The following LPA variants were observed in gnomAD, a reference collection of about 807,000 sequenced individuals.
The protein encoded by LPA is apolipoprotein(a).
A neutral mutation model predicts 197.9 loss-of-function variants in LPA; 199 were observed. The observed-to-expected ratio is 1.01, with a 90% CI of 0.90 to 1.13. The LOEUF (loss-of-function observed/expected upper bound fraction) is 1.13. Ranked by LOEUF, LPA falls within the 50% of genes most tolerant of loss-of-function variation. The pLI is 0.00. For synonymous variants in LPA, 715 were observed against 639.5 expected, an observed-to-expected ratio of 1.12 and a Z score of -1.78; for missense variants, 1,853 against 1,785.8, an observed-to-expected ratio of 1.04 and a Z score of -0.68.
At chr6:160,604,484 T>C (rs1331182426) in intron 18 of LPA, among the ~76,000 whole-genome samples, 1 of 152,164 alleles carries the variant, frequency 6.6e-6, no homozygotes, top group Non-Finnish European at 1.5e-5. Context: ...AGGATCTCTC[T>C]CTTTGCTGAC....
intron 34 of LPA, 144 bp from the exon 35 acceptor site, chr6:160,541,325 G>C: frequency 2.8e-6 from 2 of 706,300 alleles, no homozygotes; most frequent in Non-Finnish European, 5.1e-6. Context: ...CGTCAGGATA[G>C]TAGAAACTTC....
intron 24 of LPA, among the ~76,000 whole-genome samples, chr6:160,588,257 T>G (rs1451446724): frequency 1.5e-5 from 2 of 130,084 alleles, no homozygotes; most frequent in African/African-American, 5.4e-5. Context: ...GGGGGTTGAG[T>G]TTTTTTTTTC....
intron 28 of LPA, among the ~76,000 whole-genome samples, chr6:160,566,200 G>A (rs933432169): frequency 5.3e-5 from 8 of 152,076 alleles, no homozygotes; most frequent in African/African-American, 1.4e-4. Flanking sequence ...AATACTCCTC[G>A]AGAAGAGTAA....
At chr6:160,553,652 G>A (rs759409920) in intron 30 of LPA, among the ~76,000 whole-genome samples, 15 of 152,062 alleles carry the variant, frequency 9.9e-5, no homozygotes, top group Non-Finnish European at 1.8e-4. Context: ...GATGTTGGAC[G>A]ATTTATCTAT....
In LPA at chr6:160,553,401, T is replaced by C. The variant is rs150500903; in HGVS notation, c.4973+2624A>G. The stretch of plus-strand genomic sequence containing the variant: ...AAACATTCTTTTGTTTTTTTGCTTG[T>C]TTCCTCTGGAGGTGGCAGAATACGT... On this transcript the variant is annotated intron_variant, in intron 30 of 38. Transcript: ENST00000316300. 3.8e-3 allele frequency among the ~76,000 whole-genome samples: 574 copies of C among 152,310 alleles called. 6 individuals carry two copies. The highest frequency in any genetic ancestry group is 0.014 in the African/African-American group (565 of 41,578).
intron 34 of LPA, among the ~76,000 whole-genome samples, chr6:160,541,696 T>A (rs1777983985): frequency 1.3e-5 from 2 of 152,192 alleles, no homozygotes; most frequent in South Asian, 4.1e-4. Context: ...TGTAGGCAGT[T>A]GATAGATCAG....
At chr6:160,656,824 T>A (rs1165319312) in intron 1 of LPA, among the ~76,000 whole-genome samples, 1 of 152,208 alleles carries the variant, frequency 6.6e-6, no homozygotes, top group African/African-American at 2.4e-5. Flanking sequence ...TTTTTATAAT[T>A]CAGATTAGTC....
At chr6:160,558,345 C>A (rs1778304761) in intron 28 of LPA, among the ~76,000 whole-genome samples, 1 of 152,146 alleles carries the variant, frequency 6.6e-6, no homozygotes, top group South Asian at 2.1e-4. Flanking sequence ...AAACAACATC[C>A]AACATGATAC....
At chr6:160,554,345 T>C (rs1002212104) in intron 30 of LPA, among the ~76,000 whole-genome samples, 1 of 152,198 alleles carries the variant, frequency 6.6e-6, no homozygotes, top group African/African-American at 2.4e-5. Context: ...ATGATGTCAC[T>C]CCTTGTGAAT....
At chr6:160,577,942 C>T (rs930696373) in intron 27 of LPA, among the ~76,000 whole-genome samples, 1 of 152,156 alleles carries the variant, frequency 6.6e-6, no homozygotes, top group African/African-American at 2.4e-5. Flanking sequence ...GAAGAAGAGG[C>T]AAGAACACCT....
rs376480107 is a variant in LPA, at chr6:160,586,486, C to T, written c.4092G>A (p.Val1364=). Reference sequence around the variant, plus strand: ...GAAGCTCTGTGCTTGGAACTGGGACCACCGTGGGAGTTGTGAGGAGAGTTG... The same window carrying T: ...GAAGCTCTGTGCTTGGAACTGGGACTACCGTGGGAGTTGTGAGGAGAGTTG... The part of the protein sequence containing the change: ...MESTLLTTPT[V]VPVPSTELPS... Residue 1364 remains valine, a synonymous_variant, in exon 25 of 39, where the codon GTG becomes GTA. Transcript: ENST00000316300. The T allele has an allele frequency of 3.1e-6, 5 of 1,613,618 alleles. No individual in the cohort carries two copies. The African/African-American group carries it at 6.7e-5, about 22-fold the overall frequency.
chr6:160,567,672 C>CA (rs1490017821), intron 28 of LPA, among the ~76,000 whole-genome samples: 6 of 151,882 alleles, frequency 4.0e-5, no homozygotes, highest in African/African-American at 7.3e-5. Context: ...GATAGAGACA[C>CA]AAAAAAACCT....
At chr6:160,539,337 G>C (rs1042122119) in intron 36 of LPA, among the ~76,000 whole-genome samples, 1 of 152,030 alleles carries the variant, frequency 6.6e-6, no homozygotes, top group African/African-American at 2.4e-5. Flanking sequence ...TGTAAGCAAA[G>C]GTATCACTTT....
intron 30 of LPA, among the ~76,000 whole-genome samples, chr6:160,550,019 G>T (rs569935602): frequency 6.6e-6 from 1 of 152,166 alleles, no homozygotes; most frequent in Non-Finnish European, 1.5e-5. Flanking sequence ...TCAACAGAGC[G>T]AGACCATCTT....
chr6:160,610,808 A>T (rs917711297), intron 16 of LPA, among the ~76,000 whole-genome samples: 1 of 152,136 alleles, frequency 6.6e-6, no homozygotes, highest in Non-Finnish European at 1.5e-5. Context: ...AAGCCAAGGC[A>T]TCTATGGAGT....
At chr6:160,598,805 G>A (rs1179795023) in intron 20 of LPA, among the ~76,000 whole-genome samples, 1 of 152,210 alleles carries the variant, frequency 6.6e-6, no homozygotes, top group Non-Finnish European at 1.5e-5. Context: ...CTCCATAGAT[G>A]TGCAAGTATC....
intron 35 of LPA, 32 bp from the exon 36 acceptor site, chr6:160,540,215 A>T: frequency 6.2e-7 from 1 of 1,613,978 alleles, no homozygotes; most frequent in Non-Finnish European, 8.5e-7. Context: ...AGAGAAAAAT[A>T]TGGTCCAGCC....
At chr6:160,587,645 C>T (rs1048094286) in intron 24 of LPA, among the ~76,000 whole-genome samples, 1 of 151,980 alleles carries the variant, frequency 6.6e-6, no homozygotes, top group Non-Finnish European at 1.5e-5. Flanking sequence ...TAATGTCTGT[C>T]ATGATATCTT....
intron 33 of LPA, among the ~76,000 whole-genome samples, chr6:160,543,820 T>G (rs1313718146): frequency 6.6e-6 from 1 of 152,236 alleles, no homozygotes; most frequent in Non-Finnish European, 1.5e-5. Flanking sequence ...GTTATTAAAC[T>G]CTTTCTCCAA....
Sources: allele counts gnomAD v4.1 joint callset (sites outside exome capture counted in the v4.1 genomes callset), GRCh38; gene constraint gnomAD v4.1.1; transcripts MANE v1.5; gene names NCBI Gene and HGNC (gene_info 2026-07-23, HGNC 2026-07-21).